The following ENOX2 variants were observed in gnomAD, a reference collection of about 807,000 sequenced individuals.
ENOX2 encodes the protein APK1 antigen.
ENOX2 carries 36 observed loss-of-function variants against 45.0 expected under a neutral mutation model. The observed-to-expected ratio is 0.80, with a 90% CI of 0.61 to 1.06. The LOEUF is 1.06. Among genes scored for constraint, ENOX2 ranks in the 50% least tolerant of loss-of-function variants. The pLI is 0.00. For missense variants in ENOX2, 423 were observed against 462.5 expected (o/e 0.91, Z 0.78); for synonymous variants, 174 against 152.3 (o/e 1.14, Z -1.05).
At chrX:130,838,762 C>T (rs1270122690) in intron 2 of ENOX2, among the ~76,000 whole-genome samples, 6 of 112,000 alleles carry the variant, frequency 5.4e-5, no homozygotes, top group Non-Finnish European at 1.1e-4. Flanking sequence ...CAACTCAAGG[C>T]ACATGTGGTC....
intron 3 of ENOX2, among the ~76,000 whole-genome samples, chrX:130,780,852 T>C (rs1295430990): frequency 9.0e-6 from 1 of 111,073 alleles, no homozygotes; most frequent in Admixed American, 9.6e-5. Context: ...GGGAGAGAGA[T>C]GGCTTTGACT....
chrX:130,643,082 G>A (rs2036131695), intron 10 of ENOX2, among the ~76,000 whole-genome samples: 1 of 111,325 alleles, frequency 9.0e-6, no homozygotes, highest in South Asian at 3.8e-4. Context: ...GCTATTATAA[G>A]ATACTTGCAG....
chrX:130,665,378 A>G (rs144984182), intron 9 of ENOX2, among the ~76,000 whole-genome samples: 177 of 112,419 alleles, frequency 1.6e-3, no homozygotes, highest in African/African-American at 5.4e-3. Context: ...AAGTAAACTT[A>G]TAATTATCCC....
intron 3 of ENOX2, among the ~76,000 whole-genome samples, chrX:130,777,596 C>A (rs762856812): frequency 9.0e-6 from 1 of 111,515 alleles, no homozygotes; most frequent in African/African-American, 3.3e-5. Context: ...ACGTATCAGG[C>A]TACTTACACT....
At chrX:130,830,173 C>A (rs1385098242) in intron 2 of ENOX2, among the ~76,000 whole-genome samples, 1 of 110,907 alleles carries the variant, frequency 9.0e-6, no homozygotes, top group Non-Finnish European at 1.9e-5. Flanking sequence ...AATTAAATTG[C>A]CTTTCTGGAC....
chrX:130,760,725 G>T (rs1192516525), intron 3 of ENOX2, among the ~76,000 whole-genome samples: 4 of 93,197 alleles, frequency 4.3e-5, no homozygotes, highest in Non-Finnish European at 8.3e-5. Flanking sequence ...GGTGGAGGTT[G>T]CAGTGAGCTG....
At chrX:130,792,478 T>C (rs950765176) in intron 2 of ENOX2, among the ~76,000 whole-genome samples, 2 of 112,424 alleles carry the variant, frequency 1.8e-5, no homozygotes, top group African/African-American at 6.5e-5. Flanking sequence ...TGTAGCTCTT[T>C]AAATTAATTA....
chrX:130,880,293 C>T (rs975543247), intron 2 of ENOX2, among the ~76,000 whole-genome samples: 2 of 111,639 alleles, frequency 1.8e-5, no homozygotes, highest in African/African-American at 6.5e-5. Context: ...TAGTTACTTA[C>T]CATATAGTTT....
chrX:130,902,647 GAA>G (rs2148607097), intron 1 of ENOX2, among the ~76,000 whole-genome samples: 1 of 108,941 alleles, frequency 9.2e-6, no homozygotes, highest in Admixed American at 9.8e-5. Flanking sequence ...CAAATTGAGG[GAA>G]AAGAGGAAAG....
At chrX:130,701,200 C>T (rs1569489329) in intron 4 of ENOX2, among the ~76,000 whole-genome samples, 1 of 111,002 alleles carries the variant, frequency 9.0e-6, no homozygotes, top group Non-Finnish European at 1.9e-5. Context: ...GCAGATGTGG[C>T]CTCAATATTT....
intron 3 of ENOX2, among the ~76,000 whole-genome samples, chrX:130,721,070 C>T (rs1299160681): frequency 1.8e-5 from 2 of 111,556 alleles, no homozygotes; most frequent in Non-Finnish European, 3.8e-5. Flanking sequence ...GGACAGATGT[C>T]GTTAAAGGGA....
rs547448394 is a variant in ENOX2, at chrX:130,873,963, C to G, written c.-183+27721G>C. Among the ~76,000 whole-genome samples, 78 of 110,568 alleles carry G rather than the reference C, an allele frequency of 7.1e-4. 2 individuals are homozygous for G. Among genetic ancestry groups the G allele is most frequent in the African/African-American group, 2.5e-3 (75 of 30,395 alleles). The stretch of plus-strand genomic sequence containing the variant: ...AATGTAGATGATGGATTGATGGGTG[C>G]AGCAAACCACCATGGCACGTGTATA... On this transcript the variant is annotated intron_variant, in intron 2 of 14. Coordinates refer to ENST00000394363, the MANE Select transcript of ENOX2 (RefSeq NM_006375.4).
intron 10 of ENOX2, among the ~76,000 whole-genome samples, chrX:130,646,603 G>A (rs1442513434): frequency 8.9e-6 from 1 of 112,267 alleles, no homozygotes; most frequent in Non-Finnish European, 1.9e-5. Context: ...CAGTGTTGGC[G>A]TTCTTGCATG....
chrX:130,637,157 C>A (rs1485625926), intron 11 of ENOX2, 72 bp downstream of exon 11: 31 of 831,519 alleles, frequency 3.7e-5, no homozygotes, highest in Non-Finnish European at 5.2e-5. Context: ...AATTTGATTG[C>A]AGGGGACCCT....
intron 2 of ENOX2, among the ~76,000 whole-genome samples, chrX:130,827,124 A>G (rs746644335): frequency 8.9e-6 from 1 of 112,430 alleles, no homozygotes; most frequent in South Asian, 3.6e-4. Context: ...AAAGTAATCA[A>G]CGAGCAAAAG....
At chrX:130,821,703 T>A (rs1210405742) in intron 2 of ENOX2, among the ~76,000 whole-genome samples, 59 of 35,170 alleles carry the variant, frequency 1.7e-3, no homozygotes, top group Non-Finnish European at 2.8e-3. Context: ...AAAAAAAAAA[T>A]TAAAAAAAAA....
chrX:130,892,988 T>C (rs1288087324), intron 2 of ENOX2, among the ~76,000 whole-genome samples: 2 of 112,047 alleles, frequency 1.8e-5, no homozygotes, highest in Non-Finnish European at 3.8e-5. Context: ...AACTTTTCTC[T>C]GTATTTGAAT....
At chrX:130,854,459 CAA>C (rs2078271807) in intron 2 of ENOX2, among the ~76,000 whole-genome samples, 1 of 111,398 alleles carries the variant, frequency 9.0e-6, no homozygotes, top group African/African-American at 3.3e-5. Flanking sequence ...ATTCTCAGAA[CAA>C]GAGGAGAAGA....
At chrX:130,746,073 G>A (rs1603338314) in intron 3 of ENOX2, among the ~76,000 whole-genome samples, 1 of 112,210 alleles carries the variant, frequency 8.9e-6, no homozygotes, top group African/African-American at 3.2e-5. Flanking sequence ...GAATCAAAGA[G>A]AGCATACGTT....
Sources: allele counts gnomAD v4.1 joint callset (sites outside exome capture counted in the v4.1 genomes callset), GRCh38; gene constraint gnomAD v4.1.1; transcripts MANE v1.5; gene names NCBI Gene and HGNC (gene_info 2026-07-23, HGNC 2026-07-21).